C3orf85: variants seen among roughly 807,000 people sequenced by gnomAD.
The protein encoded by C3orf85 is uncharacterized protein C3orf85.
In C3orf85, 1 loss-of-function variant was observed where a neutral mutation model predicts 1.7. The ratio of observed to expected loss-of-function variants is 0.60; its 90% CI spans 0.21 to 2.86. The LOEUF (loss-of-function observed/expected upper bound fraction) is 2.86, where lower values mean the gene tolerates loss of function less well. Ranked by LOEUF, C3orf85 falls within the 30% of genes most tolerant of loss-of-function variation. The pLI is 0.22. For synonymous variants in C3orf85, 17 were observed against 8.0 expected (o/e 2.13, Z -1.90); for missense variants, 29 against 21.3 (o/e 1.36, Z -0.72).
chr3:109,147,868 T>C (rs951881202), intron 2 of C3orf85, among the ~76,000 whole-genome samples: 50 of 152,140 alleles, frequency 3.3e-4, no homozygotes, highest in Non-Finnish European at 4.7e-4. Context: ...TTACAGCAAG[T>C]GTGTGTGCAT....
chr3:109,145,338 C>T (rs1021499856), intron 2 of C3orf85, among the ~76,000 whole-genome samples: 2 of 152,166 alleles, frequency 1.3e-5, no homozygotes, highest in Non-Finnish European at 2.9e-5. Flanking sequence ...TGTGGAAGAA[C>T]TTTGATGGTA....
At chr3:109,140,604 T>C (rs1053442954) in intron 2 of C3orf85, among the ~76,000 whole-genome samples, 2 of 152,214 alleles carry the variant, frequency 1.3e-5, no homozygotes, top group African/African-American at 4.8e-5. Flanking sequence ...CTGTCATATG[T>C]ATATGGAGAT....
chr3:109,143,202 A>T (rs146049751), intron 2 of C3orf85, among the ~76,000 whole-genome samples: 1 of 151,864 alleles, frequency 6.6e-6, no homozygotes, highest in East Asian at 1.9e-4. Flanking sequence ...CTGCCAGCAG[A>T]CTCTGTCCTT....
At chr3:109,142,616 G>A (rs902777957) in intron 2 of C3orf85, among the ~76,000 whole-genome samples, 4 of 151,930 alleles carry the variant, frequency 2.6e-5, no homozygotes, top group Non-Finnish European at 4.4e-5. Context: ...AAAACATACA[G>A]ACATTGAAGG....
At chr3:109,137,981 A>C (rs9840398) in intron 2 of C3orf85, among the ~76,000 whole-genome samples, 1 of 151,956 alleles carries the variant, frequency 6.6e-6, no homozygotes, top group Non-Finnish European at 1.5e-5. Flanking sequence ...TTGACTTTAG[A>C]GGGGGTAACG....
At chr3:109,144,630 A>G (rs946720436) in intron 2 of C3orf85, among the ~76,000 whole-genome samples, 20 of 152,224 alleles carry the variant, frequency 1.3e-4, no homozygotes, top group African/African-American at 4.6e-4. Flanking sequence ...ATTTTAAAGC[A>G]TGCTTCTCTG....
chr3:109,149,023 A>G (rs1706833946), intron 3 of C3orf85: 1 of 151,314 alleles, frequency 6.6e-6, no homozygotes, highest in Admixed American at 6.6e-5. Context: ...GGCCTTTTTT[A>G]TTCTATATTT....
chr3:109,141,353 A>AT (rs1433273787), intron 2 of C3orf85, among the ~76,000 whole-genome samples: 1 of 151,660 alleles, frequency 6.6e-6, no homozygotes, highest in Non-Finnish European at 1.5e-5. Flanking sequence ...ACCCCTCTCC[A>AT]TTTTTTCCAG....
At chr3:109,148,959 T>C (rs1227205221) in intron 3 of C3orf85, 1 of 152,216 alleles carries the variant, frequency 6.6e-6, no homozygotes, top group Non-Finnish European at 1.5e-5. Context: ...TTTTGTACAT[T>C]TTCCTATTCA....
Position 109,145,212 on chromosome 3 carries a change from G to A in C3orf85, c.50-3041G>A, listed in dbSNP as rs76432890. Among the ~76,000 whole-genome samples the A allele has an allele frequency of 2.9e-3, 447 of 151,990 alleles. 1 individual carries two copies. Among genetic ancestry groups the A allele is most frequent in the African/African-American group, 0.011 (436 of 41,422 alleles). ...ATCTGTCCTTACACCACTGACAAAAGGATCTTTCAGAGTAAATCTGTGAAT... is the reference window on the plus strand; with the variant it reads ...ATCTGTCCTTACACCACTGACAAAAAGATCTTTCAGAGTAAATCTGTGAAT... On this transcript the variant is annotated intron_variant, in intron 2 of 3. Transcript: ENST00000622536.
chr3:109,140,167 G>A (rs1276786034), intron 2 of C3orf85, among the ~76,000 whole-genome samples: 2 of 152,040 alleles, frequency 1.3e-5, no homozygotes, highest in Non-Finnish European at 2.9e-5. Flanking sequence ...TACATAATGA[G>A]AATAAACTGG....
chr3:109,148,589 T>C, intron 3 of C3orf85: 1 of 521,248 alleles, frequency 1.9e-6, no homozygotes, highest in Non-Finnish European at 3.4e-6. Context: ...GACTCAAATG[T>C]CCCTCTGAAG....
chr3:109,148,630 C>T (rs1180286587), intron 3 of C3orf85: 1 of 445,168 alleles, frequency 2.2e-6, no homozygotes, highest in East Asian at 4.1e-5. Flanking sequence ...CGACATTTGT[C>T]TTTCCTTCTC....
Position 109,151,389 on chromosome 3 carries a change from C to A in C3orf85, c.*1495C>A, listed in dbSNP as rs1256826658. Among the ~76,000 whole-genome samples the A allele has an allele frequency of 6.6e-6, 1 of 152,074 alleles. No individual in the cohort carries two copies. The highest frequency in any genetic ancestry group is 1.5e-5 in the Non-Finnish European group (1 of 68,026). ...TACGATGGCGTTACATCCCAATAAA[C>A]CCGTCACACGCTGAAAATATCATAA... On this transcript the variant is annotated 3_prime_UTR_variant, in exon 4 of 4. Coordinates refer to ENST00000622536, the MANE Select transcript of C3orf85 (RefSeq NM_001351622.2).
rs1185273958 is a variant in C3orf85, at chr3:109,150,138, T to G, written c.*244T>G. Reference sequence around the variant, plus strand: ...CTAAAAAAAAAAAAGGCTGTAGTAATAACATTTACCAAAACGATGGCATTT... The same window carrying G: ...CTAAAAAAAAAAAAGGCTGTAGTAAGAACATTTACCAAAACGATGGCATTT... On this transcript the variant is annotated 3_prime_UTR_variant, in exon 4 of 4. Coordinates refer to ENST00000622536, the MANE Select transcript of C3orf85 (RefSeq NM_001351622.2). The G allele has an allele frequency of 4.1e-6, 1 of 246,236 alleles. No individual in the cohort carries two copies. The highest frequency in any genetic ancestry group is 5.6e-5 in the Admixed American group (1 of 17,996). 15.3% of individuals were successfully genotyped at this position (246,236 alleles called of 1,614,324 possible). A position where few individuals can be genotyped will look rare whatever the true frequency, so the allele number is the denominator to read the frequency against.
Position 109,137,637 on chromosome 3 carries a change from G to GTGTGTATATATATATATATA in C3orf85, c.49+742_49+743insGTGTATATATATATATATAT, listed in dbSNP as rs751674362. Among the ~76,000 whole-genome samples the GTGTGTATATATATATATATA allele has an allele frequency of 8.0e-3, 636 of 79,740 alleles. 14 individuals are homozygous for GTGTGTATATATATATATATA. The highest frequency in any genetic ancestry group is 0.016 in the Middle Eastern group (2 of 124). 52.3% of individuals were successfully genotyped at this position (79,740 alleles called of 152,430 possible). ...TGTATATATGTGTGTGTGTGTGTGT[G>GTGTGTATATATATATATATA]TATATATATATATATATATATATAT... On this transcript the variant is annotated intron_variant, in intron 2 of 3. Coordinates refer to ENST00000622536, the MANE Select transcript of C3orf85 (RefSeq NM_001351622.2).
At chr3:109,139,178 C>T (rs983369850) in intron 2 of C3orf85, among the ~76,000 whole-genome samples, 2 of 152,248 alleles carry the variant, frequency 1.3e-5, no homozygotes, top group Non-Finnish European at 2.9e-5. Flanking sequence ...ACATCTACCA[C>T]TTATGAGAAC....
chr3:109,148,468 T>C lies in C3orf85; in HGVS notation c.183+82T>C, dbSNP rs745936468. ...CATTAGCTGACCACTAATTAACACATGACTAGCCTAGCCCTGATTTTTCCT... is the reference window on the plus strand; with the variant it reads ...CATTAGCTGACCACTAATTAACACACGACTAGCCTAGCCCTGATTTTTCCT... On this transcript the variant is annotated intron_variant, in intron 3 of 3. Transcript: ENST00000622536. 7 of 697,020 alleles carry C rather than the reference T, an allele frequency of 1.0e-5. No individual in the cohort carries two copies. In the Admixed American group the frequency reaches 1.4e-4, roughly 14 times the overall value. 43.2% of individuals were successfully genotyped at this position (697,020 alleles called of 1,614,324 possible).
At chr3:109,145,164 C>T (rs1478492906) in intron 2 of C3orf85, among the ~76,000 whole-genome samples, 2 of 152,138 alleles carry the variant, frequency 1.3e-5, no homozygotes, top group African/African-American at 2.4e-5. Flanking sequence ...TCTCGTGTCC[C>T]TCACTCTTCT....
Sources: gnomAD v4.1 joint callset for allele counts (sites outside exome capture counted in the v4.1 genomes callset) on GRCh38, gnomAD v4.1.1 for gene constraint, MANE v1.5 for transcripts, NCBI Gene and HGNC (gene_info 2026-07-23, HGNC 2026-07-21) for gene names.